The following TADA2A variants were observed in gnomAD, a reference collection of about 807,000 sequenced individuals.
The protein encoded by TADA2A is transcriptional adaptor 2A, also known as transcriptional adapter 2-alpha.
Under a neutral mutation model 67.4 loss-of-function variants are expected in TADA2A, and 38 were observed. The observed-to-expected ratio is 0.56, with a 90% confidence interval of 0.44 to 0.74. TADA2A has a LOEUF of 0.74. Among genes scored for constraint, TADA2A ranks in the 30% least tolerant of loss-of-function variants. TADA2A has a pLI of 0.00. For synonymous variants in TADA2A, 192 were observed against 181.6 expected (o/e 1.06, Z -0.46); for missense variants, 454 against 547.0 (o/e 0.83, Z 1.70).
rs757641800 is a variant in TADA2A at position 37,463,176 on chromosome 17, C to T, written c.712+1055C>T. Among the ~76,000 whole-genome samples, 139 of 152,018 alleles carry T rather than the reference C, an allele frequency of 9.1e-4. 1 individual carries two copies. The highest frequency in any genetic ancestry group is 1.9e-3 in the Non-Finnish European group (127 of 67,992). ...TACCTAAGCAGGGCAGAAAAAGTCC[C>T]TGTACTTTTTCTTCTTCCACAACAT... is the stretch of plus-strand genomic sequence containing the variant. On this transcript the variant is annotated intron_variant, in intron 10 of 15. Transcript: ENST00000615182.
At chr17:37,420,281 C>T (rs1187249964) in intron 2 of TADA2A, among the ~76,000 whole-genome samples, 2 of 146,388 alleles carry the variant, frequency 1.4e-5, no homozygotes, top group Non-Finnish European at 3.0e-5. Context: ...AAGATTTGTT[C>T]TTCTGCATTA....
chr17:37,414,124 T>G (rs1186930485), intron 2 of TADA2A, among the ~76,000 whole-genome samples: 3 of 152,172 alleles, frequency 2.0e-5, no homozygotes, highest in African/African-American at 7.2e-5. Flanking sequence ...GCAAAGGATG[T>G]GATCTCATTA....
rs542035632 is a variant in TADA2A at position 37,419,345 on chromosome 17, G to T, written c.26-4164G>T. ...CACTGCACCTGCCTAATTTTGTGGG[G>T]TTTTTTTTTGTAGAGACATGGTTTC... On this transcript the variant is annotated intron_variant, in intron 2 of 15. Transcript: ENST00000615182. Among the ~76,000 whole-genome samples, 23 of 142,584 alleles carry T rather than the reference G, an allele frequency of 1.6e-4. 3 individuals carry two copies. The highest frequency in any genetic ancestry group is 3.5e-4 in the African/African-American group (14 of 39,508). 93.5% of individuals were successfully genotyped at this position (142,584 alleles called of 152,430 possible). A position where few individuals can be genotyped will look rare whatever the true frequency, so the allele number is the denominator to read the frequency against.
intron 2 of TADA2A, among the ~76,000 whole-genome samples, chr17:37,419,959 G>C (rs1055048086): frequency 1.4e-5 from 2 of 145,138 alleles, no homozygotes; most frequent in African/African-American, 5.0e-5. Flanking sequence ...AGCTTGCAGT[G>C]AGCTGAGATC....
At chr17:37,417,291 G>T (rs565205292) in intron 2 of TADA2A, among the ~76,000 whole-genome samples, 1 of 150,646 alleles carries the variant, frequency 6.6e-6, no homozygotes, top group Non-Finnish European at 1.5e-5. Context: ...CAGGAGAGTC[G>T]CTTGAACCCG....
intron 11 of TADA2A, among the ~76,000 whole-genome samples, chr17:37,466,421 A>G (rs2148035291): frequency 6.6e-6 from 1 of 152,312 alleles, no homozygotes; most frequent in South Asian, 2.1e-4. Flanking sequence ...CCCTGTTTCA[A>G]AACAAAATAT....
chr17:37,446,810 T>G (rs767432552), intron 8 of TADA2A, among the ~76,000 whole-genome samples: 1 of 152,114 alleles, frequency 6.6e-6, no homozygotes, highest in Non-Finnish European at 1.5e-5. Context: ...TTAAGAAAAC[T>G]ATAGTAATGG....
At chr17:37,473,127 ATTTT>A (rs1020173351) in intron 14 of TADA2A, among the ~76,000 whole-genome samples, 1 of 85,676 alleles carries the variant, frequency 1.2e-5, no homozygotes, top group Admixed American at 1.6e-4. Context: ...ACCTGGAGAA[ATTTT>A]TTTTTTTTTT....
chr17:37,414,395 A>G (rs2051976690), intron 2 of TADA2A, among the ~76,000 whole-genome samples: 1 of 151,440 alleles, frequency 6.6e-6, no homozygotes, highest in Non-Finnish European at 1.5e-5. Flanking sequence ...CCTTTTTGGC[A>G]TAACTAAATA....
At chr17:37,410,824 A>C (rs1318434432) in intron 1 of TADA2A, among the ~76,000 whole-genome samples, 1 of 152,176 alleles carries the variant, frequency 6.6e-6, no homozygotes, top group Non-Finnish European at 1.5e-5. Flanking sequence ...TGTGATTGGC[A>C]GCCCCACCAG....
intron 14 of TADA2A, 114 bp downstream of exon 14, chr17:37,471,251 C>T: frequency 2.8e-6 from 3 of 1,077,626 alleles, no homozygotes; most frequent in Admixed American, 2.0e-5. Context: ...GGCAGAGTAA[C>T]AGTAATCAAG....
chr17:37,467,422 A>G, intron 11 of TADA2A, 32 bp from the exon 12 acceptor site: 1 of 1,597,826 alleles, frequency 6.3e-7, no homozygotes, highest in South Asian at 1.1e-5. Flanking sequence ...TGTTTTTGTA[A>G]TTTTTTCCTT....
At chr17:37,462,004 T>C (rs1323372106) in intron 9 of TADA2A, 74 bp from the exon 10 acceptor site, 41 of 1,145,230 alleles carry the variant, frequency 3.6e-5, no homozygotes, top group Non-Finnish European at 5.1e-5. Context: ...TGTCTGATGA[T>C]AGCTATATGT....
At chr17:37,467,408 C>CT in intron 11 of TADA2A, 46 bp from the exon 12 acceptor site, 1 of 1,548,582 alleles carries the variant, frequency 6.5e-7, no homozygotes, top group Non-Finnish European at 8.9e-7. Context: ...ACTAATGTTG[C>CT]TTTTGTTTTT....
intron 15 of TADA2A, 148 bp downstream of exon 15, chr17:37,474,777 G>C: frequency 1.2e-6 from 1 of 856,138 alleles, no homozygotes; most frequent in Non-Finnish European, 1.8e-6. Flanking sequence ...AAGTCCAAGA[G>C]CTAAAGAGCC....
chr17:37,426,274 G>A (rs1215968548), intron 3 of TADA2A: 1 of 152,114 alleles, frequency 6.6e-6, no homozygotes, highest in Non-Finnish European at 1.5e-5. Flanking sequence ...TTAGAAAAAA[G>A]TATTTTTTTC....
intron 4 of TADA2A, among the ~76,000 whole-genome samples, chr17:37,436,682 A>G (rs2052736808): frequency 6.6e-6 from 1 of 151,856 alleles, no homozygotes; most frequent in Non-Finnish European, 1.5e-5. Flanking sequence ...TATACTCTTT[A>G]TGTTTCAAAG....
At position 37,478,283 on chromosome 17, in the gene TADA2A, A is replaced by C. The variant is rs558892218; in HGVS notation, c.*1301A>C. 6 of 152,136 alleles carry C rather than the reference A, an allele frequency of 3.9e-5. No individual in the cohort carries two copies. Among genetic ancestry groups the C allele is most frequent in the African/African-American group, 1.2e-4 (5 of 41,420 alleles). 9.4% of individuals were successfully genotyped at this position (152,136 alleles called of 1,614,324 possible). ...TGCTATTTAATTTGTGGGTGTGTCA[A>C]ATATTCTGGTAACTGAAACACACTT... On this transcript the variant is annotated 3_prime_UTR_variant, in exon 16 of 16. Coordinates refer to ENST00000615182, the MANE Select transcript of TADA2A (RefSeq NM_001166105.3).
rs578250931 is a variant in TADA2A, at chr17:37,462,641, TAAATA to T, written c.712+523_712+527del. On this transcript the variant is annotated intron_variant, in intron 10 of 15. Coordinates refer to ENST00000615182, the MANE Select transcript of TADA2A (RefSeq NM_001166105.3). ...AGCAAGACTTAGTCTCAAAAATAAA[TAAATA>T]AATAAGCAAATAAATAAATGTATTA... 1.5e-4 allele frequency among the ~76,000 whole-genome samples: 21 copies of T among 141,828 alleles called. No individual in the cohort carries two copies. In the South Asian group the frequency reaches 2.7e-3, roughly 18 times the overall value. 93.0% of individuals were successfully genotyped at this position (141,828 alleles called of 152,430 possible).
Sources: gnomAD v4.1 joint callset for allele counts (sites outside exome capture counted in the v4.1 genomes callset) on GRCh38, gnomAD v4.1.1 for gene constraint, MANE v1.5 for transcripts, NCBI Gene and HGNC (gene_info 2026-07-23, HGNC 2026-07-21) for gene names.